The following GRIK1 variants were observed in gnomAD, a reference collection of about 807,000 sequenced individuals.
GRIK1 encodes glutamate receptor ionotropic, kainate 1.
A neutral mutation model predicts 105.7 loss-of-function variants in GRIK1; 69 were observed. The observed-to-expected ratio is 0.65, with a 90% CI of 0.54 to 0.80. The LOEUF (loss-of-function observed/expected upper bound fraction) is 0.80, where lower values mean the gene tolerates loss of function less well. GRIK1 is among the 30% of genes least tolerant of loss of function. The pLI is 0.00. For missense variants in GRIK1, 1,109 were observed against 1,167.3 expected (o/e 0.95, Z 0.73); for synonymous variants, 438 against 431.3 (o/e 1.02, Z -0.19).
At chr21:29,679,043 T>C (rs1010311329) in intron 3 of GRIK1, among the ~76,000 whole-genome samples, 6 of 152,240 alleles carry the variant, frequency 3.9e-5, no homozygotes, top group Admixed American at 1.3e-4. Flanking sequence ...GAGCAGATAT[T>C]TCACTTACTC....
At chr21:29,636,427 T>C (rs2062399546) in intron 7 of GRIK1, among the ~76,000 whole-genome samples, 1 of 152,184 alleles carries the variant, frequency 6.6e-6, no homozygotes, top group Non-Finnish European at 1.5e-5. Flanking sequence ...GTTTCAGTAG[T>C]TGTGTTTGTT....
intron 7 of GRIK1, among the ~76,000 whole-genome samples, 163 bp from the exon 8 acceptor site, chr21:29,599,100 A>G (rs111430855): frequency 0.028 from 4,283 of 152,360 alleles, 77 homozygotes; most frequent in Middle Eastern, 0.078. Flanking sequence ...AGCAGAACAC[A>G]TCGTCTTTTT....
At chr21:29,681,520 C>A (rs1395335217) in intron 3 of GRIK1, among the ~76,000 whole-genome samples, 1 of 152,194 alleles carries the variant, frequency 6.6e-6, no homozygotes, top group Non-Finnish European at 1.5e-5. Flanking sequence ...TCTCACAGAA[C>A]GTGGTTCACT....
chr21:29,913,289 T>C (rs2070881885), intron 1 of GRIK1, among the ~76,000 whole-genome samples: 1 of 152,108 alleles, frequency 6.6e-6, no homozygotes. Flanking sequence ...AAAACCTGTC[T>C]TGATGTACTA....
chr21:29,838,986 T>G (rs2067890694), intron 1 of GRIK1, among the ~76,000 whole-genome samples: 1 of 152,212 alleles, frequency 6.6e-6, no homozygotes, highest in African/African-American at 2.4e-5. Context: ...TTAAACGAAG[T>G]AAGCTACTAT....
intron 7 of GRIK1, among the ~76,000 whole-genome samples, chr21:29,606,350 G>A (rs1295902683): frequency 2.0e-5 from 3 of 152,058 alleles, no homozygotes; most frequent in East Asian, 3.8e-4. Context: ...ACAGGTAAAC[G>A]TGTGGTGGTT....
intron 1 of GRIK1, among the ~76,000 whole-genome samples, chr21:29,845,109 T>C (rs1198506602): frequency 6.6e-6 from 1 of 152,206 alleles, no homozygotes; most frequent in Non-Finnish European, 1.5e-5. Flanking sequence ...TTTATGATGA[T>C]TGCAATGTTA....
At chr21:29,732,110 G>A (rs1003043407) in intron 1 of GRIK1, among the ~76,000 whole-genome samples, 2 of 152,098 alleles carry the variant, frequency 1.3e-5, no homozygotes, top group African/African-American at 2.4e-5. Context: ...CTCTTTGAAC[G>A]ACCGTTGTAA....
intron 1 of GRIK1, among the ~76,000 whole-genome samples, chr21:29,926,970 C>A (rs956388072): frequency 5.9e-5 from 9 of 152,060 alleles, no homozygotes; most frequent in Non-Finnish European, 1.3e-4. Flanking sequence ...GCATGTGTTC[C>A]CTGTTGTTCA....
intron 6 of GRIK1, among the ~76,000 whole-genome samples, chr21:29,644,515 T>C (rs2062578380): frequency 6.6e-6 from 1 of 152,238 alleles, no homozygotes; most frequent in Admixed American, 6.5e-5. Context: ...AAGCATTTCA[T>C]TCATGCTTAT....
chr21:29,659,736 G>A (rs1467043861), intron 4 of GRIK1, among the ~76,000 whole-genome samples: 23 of 152,150 alleles, frequency 1.5e-4, no homozygotes, highest in Non-Finnish European at 2.5e-4. Context: ...CGAGTTGGAC[G>A]GATCACCTGA....
rs2068125709 is a variant in GRIK1, at chr21:29,846,469, GAAAGAAAGAAAGAA to G, written c.118+92900_118+92913del. On this transcript the variant is annotated intron_variant, in intron 1 of 17. Coordinates refer to ENST00000327783, the MANE Select transcript of GRIK1 (RefSeq NM_001330994.2). ...GGAAAGAAGGAAAGAGAGAGAGAAAGAAAGAAAGAAAGAAAGAAAGAAAGAAAGAAAGAAAGAAA... is the reference window on the plus strand; with the variant it reads ...GGAAAGAAGGAAAGAGAGAGAGAAAGAGAAAGAAAGAAAGAAAGAAAGAAA... Among the ~76,000 whole-genome samples the G allele has an allele frequency of 6.2e-5, 3 of 48,322 alleles. No individual in the cohort carries two copies. In the Admixed American group the frequency reaches 9.1e-4, roughly 15 times the overall value. 31.7% of individuals were successfully genotyped at this position (48,322 alleles called of 152,430 possible). A position where few individuals can be genotyped will look rare whatever the true frequency, so the allele number is the denominator to read the frequency against.
chr21:29,711,138 T>C (rs1307151678), intron 1 of GRIK1, among the ~76,000 whole-genome samples: 3 of 152,164 alleles, frequency 2.0e-5, no homozygotes, highest in African/African-American at 7.2e-5. Flanking sequence ...AAACATGAGG[T>C]AGAACATCAA....
chr21:29,837,693 A>G (rs569991694), intron 1 of GRIK1, among the ~76,000 whole-genome samples: 1 of 152,368 alleles, frequency 6.6e-6, no homozygotes, highest in East Asian at 1.9e-4. Flanking sequence ...AGAAGAAAAT[A>G]CATTTGTTTA....
intron 7 of GRIK1, among the ~76,000 whole-genome samples, chr21:29,601,542 C>CTG (rs2061519379): frequency 6.6e-6 from 1 of 152,242 alleles, no homozygotes; most frequent in African/African-American, 2.4e-5. Flanking sequence ...ACAGCCCCAG[C>CTG]TGGAACAGGC....
intron 11 of GRIK1, 104 bp from the exon 12 acceptor site, chr21:29,587,693 T>TC: frequency 1.5e-6 from 1 of 654,556 alleles, no homozygotes; most frequent in Non-Finnish European, 2.6e-6. Flanking sequence ...TAAATGCTTC[T>TC]CATTCATGAA....
chr21:29,725,058 T>A (rs1832984683), intron 1 of GRIK1, among the ~76,000 whole-genome samples: 1 of 150,056 alleles, frequency 6.7e-6, no homozygotes, highest in African/African-American at 2.5e-5. Context: ...ATGTTTAAAA[T>A]TATTAATTAC....
At chr21:29,873,564 C>A (rs2069092140) in intron 1 of GRIK1, among the ~76,000 whole-genome samples, 1 of 152,206 alleles carries the variant, frequency 6.6e-6, no homozygotes, top group African/African-American at 2.4e-5. Flanking sequence ...AAATTCCTAA[C>A]AAATGTTAGC....
intron 7 of GRIK1, among the ~76,000 whole-genome samples, chr21:29,608,127 A>T (rs1277452160): frequency 1.3e-5 from 2 of 152,050 alleles, no homozygotes; most frequent in Non-Finnish European, 2.9e-5. Flanking sequence ...TATTATTTCT[A>T]TATGTTACAG....
Sources: gnomAD v4.1 joint callset for allele counts (sites outside exome capture counted in the v4.1 genomes callset) on GRCh38, gnomAD v4.1.1 for gene constraint, MANE v1.5 for transcripts, NCBI Gene and HGNC (gene_info 2026-07-23, HGNC 2026-07-21) for gene names.